Variants in RNF38 observed in about 807,000 individuals in gnomAD.
The protein encoded by RNF38 is ring finger protein 38, also known as E3 ubiquitin-protein ligase RNF38.
In RNF38, 15 loss-of-function variants were observed where a neutral mutation model predicts 67.2. The observed-to-expected ratio is 0.22, with a 90% CI of 0.15 to 0.34. RNF38 has a LOEUF of 0.34. RNF38 is among the 10% of genes least tolerant of loss of function. RNF38 has a pLI of 1.00. For synonymous variants in RNF38, 220 were observed against 218.8 expected, an observed-to-expected ratio of 1.01 and a Z score of -0.05; for missense variants, 524 against 639.9, an observed-to-expected ratio of 0.82 and a Z score of 1.95.
At chr9:36,473,760 G>A (rs1227507150) in intron 1 of RNF38, among the ~76,000 whole-genome samples, 2 of 151,580 alleles carry the variant, frequency 1.3e-5, no homozygotes, top group Non-Finnish European at 2.9e-5. Flanking sequence ...GCTGAGGCAG[G>A]TGGATCACAA....
intron 1 of RNF38, among the ~76,000 whole-genome samples, chr9:36,392,426 C>T (rs1837184689): frequency 2.0e-5 from 3 of 152,044 alleles, no homozygotes; most frequent in Admixed American, 2.0e-4. Context: ...CTCCTACAAG[C>T]CAAGAATTAC....
chr9:36,391,280 G>A (rs1243016017), intron 1 of RNF38, among the ~76,000 whole-genome samples: 2 of 152,128 alleles, frequency 1.3e-5, no homozygotes, highest in African/African-American at 4.8e-5. Context: ...GCCAAGGTGG[G>A]AGGATCGCCC....
chr9:36,405,036 C>T (rs1268003183), upstream of RNF38, among the ~76,000 whole-genome samples: 1 of 151,930 alleles, frequency 6.6e-6, no homozygotes, highest in African/African-American at 2.4e-5. Context: ...TTTAGGAGGT[C>T]GAGGTAGGCA....
rs532154115 is a variant in RNF38 at position 36,477,050 on chromosome 9, G to A, written n.241+10258C>T. ...AAAGTCTAAAGATTATTGGCCAGGC[G>A]CGATGGATCACGCCTGTAATCCCAG... On this transcript the variant is annotated intron_variant and non_coding_transcript_variant, in intron 1 of 3. Coordinates refer to the RNF38 transcript ENST00000488058. Among the ~76,000 whole-genome samples, 12 of 152,210 alleles carry A rather than the reference G, an allele frequency of 7.9e-5. No homozygotes were observed. The East Asian group carries it at 1.5e-3, about 20-fold the overall frequency.
intron 2 of RNF38, among the ~76,000 whole-genome samples, chr9:36,390,218 G>A (rs187320799): frequency 6.6e-6 from 1 of 152,068 alleles, no homozygotes. Flanking sequence ...AGTGATTTAA[G>A]ACCAAAAGAT....
At chr9:36,434,495 C>G (rs1032914643) in intron 1 of RNF38, among the ~76,000 whole-genome samples, 5 of 152,192 alleles carry the variant, frequency 3.3e-5, no homozygotes, top group African/African-American at 1.2e-4. Flanking sequence ...AGCGATTTCT[C>G]CTGCCTTAAC....
intron 1 of RNF38, among the ~76,000 whole-genome samples, chr9:36,455,910 C>CAAAA (rs557637828): frequency 1.1e-5 from 1 of 94,210 alleles, no homozygotes. Context: ...GACTCCACCT[C>CAAAA]AAAAAAAAAA....
chr9:36,368,686 G>A (rs1040910248), intron 4 of RNF38, among the ~76,000 whole-genome samples: 2 of 152,020 alleles, frequency 1.3e-5, no homozygotes, highest in African/African-American at 4.8e-5. Flanking sequence ...AAAATGTCTG[G>A]CATAAGAAGA....
At chr9:36,360,432 C>T (rs1483593154) in intron 4 of RNF38, among the ~76,000 whole-genome samples, 1 of 152,192 alleles carries the variant, frequency 6.6e-6, no homozygotes, top group Non-Finnish European at 1.5e-5. Context: ...ATCTGAAATG[C>T]ATGGGACCAG....
intron 2 of RNF38, among the ~76,000 whole-genome samples, chr9:36,384,055 C>T (rs567151532): frequency 6.3e-4 from 96 of 152,230 alleles, no homozygotes; most frequent in African/African-American, 2.2e-3. Context: ...ATGTTATATA[C>T]TATATTTTTC....
intron 1 of RNF38, among the ~76,000 whole-genome samples, chr9:36,433,686 CA>C (rs199573932): frequency 0.19 from 13,277 of 68,788 alleles, 645 homozygotes; most frequent in East Asian, 0.41. Flanking sequence ...GACTTCGCCT[CA>C]AAAAAAAAAA....
chr9:36,444,021 A>T (rs866518741), intron 1 of RNF38, among the ~76,000 whole-genome samples: 1 of 152,192 alleles, frequency 6.6e-6, no homozygotes, highest in Non-Finnish European at 1.5e-5. Context: ...TGGACACCGA[A>T]GTGAAGCCAG....
chr9:36,374,831 C>T (rs574046435), intron 3 of RNF38, among the ~76,000 whole-genome samples: 32 of 152,276 alleles, frequency 2.1e-4, no homozygotes, highest in African/African-American at 7.5e-4. Flanking sequence ...AACCTTATGA[C>T]CTCATTTAAC....
At chr9:36,428,620 T>C (rs946395905) in intron 1 of RNF38, among the ~76,000 whole-genome samples, 1 of 152,048 alleles carries the variant, frequency 6.6e-6, no homozygotes, top group African/African-American at 2.4e-5. Context: ...ACTTAATACA[T>C]AAAGACTTTG....
chr9:36,395,369 G>A (rs535294940), intron 1 of RNF38, among the ~76,000 whole-genome samples: 1 of 151,670 alleles, frequency 6.6e-6, no homozygotes, highest in African/African-American at 2.4e-5. Context: ...GAGGATACAG[G>A]TACATGACTT....
At chr9:36,411,755 A>G (rs1397780666) in intron 2 of RNF38, among the ~76,000 whole-genome samples, 4 of 151,478 alleles carry the variant, frequency 2.6e-5, no homozygotes, top group African/African-American at 9.7e-5. Flanking sequence ...TTTTTAGCAG[A>G]GACAAGGTTT....
At chr9:36,389,386 G>A (rs184014685) in intron 2 of RNF38, among the ~76,000 whole-genome samples, 1,675 of 150,508 alleles carry the variant, frequency 0.011, 29 homozygotes, top group African/African-American at 0.038. Flanking sequence ...GCAGTATTAA[G>A]GGTATTAAGT....
chr9:36,467,626 T>C (rs1273234467), intron 1 of RNF38, among the ~76,000 whole-genome samples: 1 of 152,118 alleles, frequency 6.6e-6, no homozygotes, highest in Non-Finnish European at 1.5e-5. Flanking sequence ...AATAACACCA[T>C]TAGCAGCAAT....
intron 1 of RNF38, among the ~76,000 whole-genome samples, chr9:36,398,588 G>A (rs1175320464): frequency 2.0e-5 from 3 of 152,096 alleles, no homozygotes; most frequent in Non-Finnish European, 4.4e-5. Context: ...GTTTGCTGAT[G>A]AACTAGACAA....
Sources: gnomAD v4.1 joint callset for allele counts (sites outside exome capture counted in the v4.1 genomes callset) on GRCh38, gnomAD v4.1.1 for gene constraint, MANE v1.5 for transcripts, NCBI Gene and HGNC (gene_info 2026-07-23, HGNC 2026-07-21) for gene names.